The following CPNE4 variants were observed in gnomAD, a reference collection of about 807,000 sequenced individuals.
CPNE4 encodes copine-4.
Under a neutral mutation model 67.9 loss-of-function variants are expected in CPNE4, and 25 were observed. That is an observed-to-expected ratio of 0.37 (90% CI 0.27 to 0.51). The LOEUF is 0.51. Ranked by LOEUF, CPNE4 falls within the 20% of genes least tolerant of loss-of-function variation. The probability of loss-of-function intolerance (pLI) is 0.93; values close to 1 mark genes in which losing one functional copy is unlikely to be tolerated. For synonymous variants in CPNE4, 242 were observed against 244.9 expected, an observed-to-expected ratio of 0.99 and a Z score of 0.11; for missense variants, 464 against 690.8, an observed-to-expected ratio of 0.67 and a Z score of 3.68.
At chr3:131,548,166 G>C (rs1311522859) in intron 14 of CPNE4, among the ~76,000 whole-genome samples, 1 of 152,020 alleles carries the variant, frequency 6.6e-6, no homozygotes, top group Non-Finnish European at 1.5e-5. Flanking sequence ...CAGGAACACT[G>C]TATTTTCTGG....
At chr3:131,609,026 C>T (rs1939667403) in intron 7 of CPNE4, among the ~76,000 whole-genome samples, 2 of 152,078 alleles carry the variant, frequency 1.3e-5, no homozygotes, top group African/African-American at 4.8e-5. Context: ...AGATATCAGC[C>T]CATATGTTCC....
In CPNE4 at chr3:131,961,141, G is replaced by A. The variant is rs78908087; in HGVS notation, c.-1-55697C>T. On this transcript the variant is annotated intron_variant, in intron 1 of 15. Transcript: ENST00000429747. Reference sequence around the variant, plus strand: ...CTTCATCCAGGGCATTTTTCTCCACGTGAACATACTTTTGTAGAGAAAGTT... The same window carrying A: ...CTTCATCCAGGGCATTTTTCTCCACATGAACATACTTTTGTAGAGAAAGTT... 2.8e-3 allele frequency among the ~76,000 whole-genome samples: 433 copies of A among 152,294 alleles called. 2 individuals carry two copies. Among genetic ancestry groups the A allele is most frequent in the African/African-American group, 1.0e-2 (415 of 41,550 alleles).
chr3:131,873,852 C>A (rs4107954), intron 2 of CPNE4, among the ~76,000 whole-genome samples: 54,006 of 151,936 alleles, frequency 0.36, 10,834 homozygotes, highest in African/African-American at 0.54. Flanking sequence ...CTTTCACTAC[C>A]TGTCCTCTTG....
At chr3:131,561,605 T>C (rs1936769535) in intron 11 of CPNE4, among the ~76,000 whole-genome samples, 1 of 151,968 alleles carries the variant, frequency 6.6e-6, no homozygotes, top group African/African-American at 2.4e-5. Context: ...GCAATGACTG[T>C]ACAAGGCAAA....
intron 1 of CPNE4, among the ~76,000 whole-genome samples, chr3:132,006,520 G>A (rs1105076): frequency 0.84 from 127,800 of 152,088 alleles, 54,750 homozygotes; most frequent in Non-Finnish European, 0.93. Context: ...TAACAAGCAA[G>A]ATGTTTCCAA....
At chr3:131,911,321 T>C (rs1448683070) in intron 1 of CPNE4, among the ~76,000 whole-genome samples, 1 of 152,140 alleles carries the variant, frequency 6.6e-6, no homozygotes, top group African/African-American at 2.4e-5. Flanking sequence ...TAGATCATTC[T>C]CCAGTTGAAC....
intron 10 of CPNE4, among the ~76,000 whole-genome samples, chr3:131,573,694 T>C (rs1193227051): frequency 2.6e-5 from 4 of 152,120 alleles, no homozygotes; most frequent in Admixed American, 1.3e-4. Flanking sequence ...CTTTATGACA[T>C]TGCTTGCTTC....
chr3:132,006,316 T>C (rs2073604880), intron 1 of CPNE4, among the ~76,000 whole-genome samples: 1 of 152,062 alleles, frequency 6.6e-6, no homozygotes, highest in African/African-American at 2.4e-5. Flanking sequence ...ATCAATAAAA[T>C]TGAGATAATA....
chr3:131,668,592 G>A (rs994256600), intron 7 of CPNE4, among the ~76,000 whole-genome samples: 2 of 152,202 alleles, frequency 1.3e-5, no homozygotes, highest in Middle Eastern at 3.4e-3. Context: ...TGATATTACT[G>A]CTTGATGGTT....
chr3:131,569,608 A>AGTGT (rs1250243297), intron 10 of CPNE4, among the ~76,000 whole-genome samples: 1 of 151,116 alleles, frequency 6.6e-6, no homozygotes, highest in Non-Finnish European at 1.5e-5. Context: ...ACTGCACTGC[A>AGTGT]CTCCGGGAAA....
chr3:131,901,910 A>G (rs2088570028), intron 2 of CPNE4, among the ~76,000 whole-genome samples: 1 of 152,030 alleles, frequency 6.6e-6, no homozygotes, highest in South Asian at 2.1e-4. Context: ...CTCTCAGGAG[A>G]CTATATAAGC....
intron 7 of CPNE4, among the ~76,000 whole-genome samples, chr3:131,650,772 A>AAAAAAAAAAAAT (rs1560048206): frequency 5.5e-5 from 8 of 144,580 alleles, no homozygotes; most frequent in African/African-American, 2.0e-4. Context: ...AAAAAAAAAA[A>AAAAAAAAAAAAT]ATTCTATTAT....
At chr3:131,614,167 T>C (rs1940008629) in intron 7 of CPNE4, among the ~76,000 whole-genome samples, 1 of 152,174 alleles carries the variant, frequency 6.6e-6, no homozygotes, top group Non-Finnish European at 1.5e-5. Context: ...TGTGAAGGTA[T>C]AGAATCCATT....
chr3:131,645,545 A>C (rs915847852), intron 7 of CPNE4, among the ~76,000 whole-genome samples: 2 of 152,218 alleles, frequency 1.3e-5, no homozygotes, highest in African/African-American at 4.8e-5. Context: ...TTAATGATGG[A>C]GGTCCAGAGA....
intron 15 of CPNE4, among the ~76,000 whole-genome samples, chr3:131,536,433 T>C (rs1935150273): frequency 6.6e-6 from 1 of 152,226 alleles, no homozygotes; most frequent in African/African-American, 2.4e-5. Context: ...TTATTAACTA[T>C]TATTGAAGAG....
chr3:131,842,380 T>C (rs900114667), intron 2 of CPNE4, among the ~76,000 whole-genome samples: 1 of 152,166 alleles, frequency 6.6e-6, no homozygotes, highest in Admixed American at 6.5e-5. Context: ...ACAGTGGATA[T>C]AGACATCTAC....
intron 1 of CPNE4, among the ~76,000 whole-genome samples, chr3:132,023,479 C>CTTTTT (rs575505348): frequency 3.5e-5 from 3 of 84,596 alleles, no homozygotes; most frequent in African/African-American, 5.2e-5. Flanking sequence ...GCAGATCAGC[C>CTTTTT]TTTTTTTTTT....
chr3:132,033,913 C>T lies in CPNE4; in HGVS notation c.-2+654G>A, dbSNP rs113691726. 6.9e-4 allele frequency among the ~76,000 whole-genome samples: 105 copies of T among 152,328 alleles called. 1 individual carries two copies. The highest frequency in any genetic ancestry group is 2.2e-3 in the African/African-American group (92 of 41,562). The stretch of plus-strand genomic sequence containing the variant: ...GCTTGGTTTCAGTGGTCCCTCCAGT[C>T]CCGTCCCCTGTCCCCGTCCCCCTTT... On this transcript the variant is annotated intron_variant, in intron 1 of 15. Coordinates refer to ENST00000429747, the MANE Select transcript of CPNE4 (RefSeq NM_130808.3).
intron 1 of CPNE4, among the ~76,000 whole-genome samples, chr3:131,994,269 C>T (rs1001818156): frequency 7.4e-6 from 1 of 136,024 alleles, no homozygotes; most frequent in South Asian, 2.5e-4. Flanking sequence ...CAATGCAGTT[C>T]CAACCAAAAG....
Sources: allele counts gnomAD v4.1 joint callset (sites outside exome capture counted in the v4.1 genomes callset), GRCh38; gene constraint gnomAD v4.1.1; transcripts MANE v1.5; gene names NCBI Gene and HGNC (gene_info 2026-07-23, HGNC 2026-07-21).